Variants in SERGEF observed in about 807,000 individuals in gnomAD.
The protein encoded by SERGEF is secretion-regulating guanine nucleotide exchange factor.
A neutral mutation model predicts 50.0 loss-of-function variants in SERGEF; 51 were observed. That is an observed-to-expected ratio of 1.02 (90% CI 0.81 to 1.29). The LOEUF (loss-of-function observed/expected upper bound fraction) is 1.29, where lower values mean the gene tolerates loss of function less well. Ranked by LOEUF, SERGEF falls within the 50% of genes most tolerant of loss-of-function variation. The pLI, the probability that SERGEF is intolerant of heterozygous loss-of-function variation, is 0.00. For missense variants in SERGEF, 521 were observed against 557.0 expected, an observed-to-expected ratio of 0.94 and a Z score of 0.65; for synonymous variants, 205 against 212.4, an observed-to-expected ratio of 0.97 and a Z score of 0.30.
intron 10 of SERGEF, among the ~76,000 whole-genome samples, chr11:17,826,905 T>C (rs1486213158): frequency 6.5e-5 from 9 of 137,806 alleles, no homozygotes; most frequent in Non-Finnish European, 1.6e-5. Flanking sequence ...TTATCTTTAT[T>C]CTCCAGCAGG....
chr11:17,967,052 T>C (rs997194159), intron 8 of SERGEF, among the ~76,000 whole-genome samples: 1 of 152,232 alleles, frequency 6.6e-6, no homozygotes, highest in Non-Finnish European at 1.5e-5. Context: ...TGCTAATATT[T>C]TGAGGGCTAT....
chr11:17,926,670 C>T lies in SERGEF; in HGVS notation c.1011+32800G>A, dbSNP rs184950494. 7.5e-4 allele frequency: 333 copies of T among 445,028 alleles called. 3 individuals carry two copies. Among genetic ancestry groups the T allele is most frequent in the Middle Eastern group, 3.3e-4 (1 of 3,004 alleles). The allele number at this position is 445,028 out of a possible 1,614,324, so 27.6% of individuals were successfully genotyped here. ...TGCCAGAGGTTCAGCAAGTGTGACC[C>T]TGAATTGATTGTTTCCTCTATCTGA... On this transcript the variant is annotated intron_variant, in intron 9 of 10. Transcript: ENST00000265965.
chr11:17,799,188 AG>A (rs1272709267), intron 10 of SERGEF, among the ~76,000 whole-genome samples: 2 of 152,130 alleles, frequency 1.3e-5, no homozygotes, highest in Non-Finnish European at 2.9e-5. Flanking sequence ...TGGTACCCAG[AG>A]CTGGCTGAGG....
chr11:17,915,780 A>G (rs1852037897), intron 9 of SERGEF, among the ~76,000 whole-genome samples: 2 of 152,234 alleles, frequency 1.3e-5, no homozygotes, highest in Admixed American at 6.5e-5. Context: ...TGAATTTCCA[A>G]CTACAAATAA....
At chr11:18,009,214 T>C (rs1030959024) in intron 1 of SERGEF, among the ~76,000 whole-genome samples, 1 of 152,164 alleles carries the variant, frequency 6.6e-6, no homozygotes, top group African/African-American at 2.4e-5. Context: ...CCTGTTAGGC[T>C]CATTCTTAAC....
intron 5 of SERGEF, 35 bp from the exon 6 acceptor site, chr11:17,995,944 T>G: frequency 6.9e-7 from 1 of 1,453,924 alleles, no homozygotes; most frequent in Non-Finnish European, 9.6e-7. Flanking sequence ...GCAGAGAAGA[T>G]GCACATCAGG....
intron 5 of SERGEF, among the ~76,000 whole-genome samples, 200 bp from the exon 6 acceptor site, chr11:17,996,109 G>A (rs954781902): frequency 6.6e-6 from 1 of 152,156 alleles, no homozygotes; most frequent in South Asian, 2.1e-4. Context: ...CAGTCTTCAG[G>A]ACAGACTAAG....
In SERGEF at chr11:17,991,646, A is replaced by C. The variant is rs562354041; in HGVS notation, c.685+1285T>G. Among the ~76,000 whole-genome samples the C allele has an allele frequency of 1.2e-4, 18 of 152,372 alleles. No individual in the cohort carries two copies. The East Asian group carries it at 3.1e-3, about 26-fold the overall frequency. Reference sequence around the variant, plus strand: ...TATATAAATCTACCTAATGTGAGACACAAGTTAAAAGTAGGTGCTTTTTTA... The same window carrying C: ...TATATAAATCTACCTAATGTGAGACCCAAGTTAAAAGTAGGTGCTTTTTTA... On this transcript the variant is annotated intron_variant, in intron 7 of 10. Transcript: ENST00000265965. This position sits in a 1 kb window ranked among gnomAD's most constrained non-coding sequence, Gnocchi z 4.9.
intron 8 of SERGEF, among the ~76,000 whole-genome samples, chr11:17,966,855 T>C (rs1379426414): frequency 4.6e-5 from 7 of 152,316 alleles, no homozygotes; most frequent in African/African-American, 1.7e-4. Context: ...GGAGAATTTA[T>C]TTATTGAGAG....
chr11:17,849,220 T>C (rs1850670010), intron 10 of SERGEF, among the ~76,000 whole-genome samples: 2 of 152,232 alleles, frequency 1.3e-5, no homozygotes, highest in African/African-American at 4.8e-5. Context: ...CTAGCCAAGC[T>C]GAGCAAATCT....
chr11:17,820,470 A>G (rs1344315499), intron 10 of SERGEF, among the ~76,000 whole-genome samples: 4 of 152,236 alleles, frequency 2.6e-5, no homozygotes, highest in Admixed American at 2.0e-4. Flanking sequence ...TCAAAGTCGG[A>G]CAAAGCCAGG....
At chr11:17,933,429 T>A (rs1053402695) in intron 9 of SERGEF, among the ~76,000 whole-genome samples, 1 of 152,162 alleles carries the variant, frequency 6.6e-6, no homozygotes, top group South Asian at 2.1e-4. Context: ...GAGTTGGACT[T>A]CTATTGGAAA....
intron 10 of SERGEF, among the ~76,000 whole-genome samples, chr11:17,813,022 G>A (rs118147892): frequency 6.6e-6 from 1 of 152,198 alleles, no homozygotes; most frequent in Non-Finnish European, 1.5e-5. Flanking sequence ...ACTGTTCCAT[G>A]GACATCACCG....
chr11:17,914,414 T>TTTAAA (rs1455267323), intron 9 of SERGEF, among the ~76,000 whole-genome samples: 6 of 128,670 alleles, frequency 4.7e-5, no homozygotes, highest in Admixed American at 4.2e-4. Flanking sequence ...GTTTTTATTT[T>TTTAAA]TTTAATTTAT....
At chr11:17,862,561 T>C (rs1045293100) in intron 10 of SERGEF, among the ~76,000 whole-genome samples, 1 of 152,160 alleles carries the variant, frequency 6.6e-6, no homozygotes, top group African/African-American at 2.4e-5. Flanking sequence ...GGTGAATGAA[T>C]AGTCATAGCT....
At chr11:17,953,472 C>A (rs1852807962) in intron 9 of SERGEF, among the ~76,000 whole-genome samples, 1 of 152,214 alleles carries the variant, frequency 6.6e-6, no homozygotes, top group African/African-American at 2.4e-5. Flanking sequence ...CATATAGGCT[C>A]ACAGCCTATC....
At chr11:17,853,216 T>G (rs757145808) in intron 10 of SERGEF, among the ~76,000 whole-genome samples, 4 of 152,144 alleles carry the variant, frequency 2.6e-5, no homozygotes, top group Non-Finnish European at 4.4e-5. Context: ...ATACCATACA[T>G]GAACAGTGCT....
rs141811885 is a variant in SERGEF, at chr11:17,795,199, C to T, written c.1049-6786G>A. 5.8e-3 allele frequency among the ~76,000 whole-genome samples: 880 copies of T among 152,200 alleles called. 6 individuals are homozygous for T. The highest frequency in any genetic ancestry group is 0.02 in the African/African-American group (818 of 41,516). On this transcript the variant is annotated intron_variant, in intron 10 of 10. Transcript: ENST00000265965. ...CTGGTACATGTCAGGAAGGATGGGG[C>T]GGGCCTTGGAGCAGGGTAAGTTTGG...
At chr11:17,903,614 T>C (rs1851786545) in intron 9 of SERGEF, among the ~76,000 whole-genome samples, 1 of 152,236 alleles carries the variant, frequency 6.6e-6, no homozygotes, top group African/African-American at 2.4e-5. Flanking sequence ...TTGTAGAGGC[T>C]GCAACCAGGA....
Sources: gnomAD v4.1 joint callset for allele counts (sites outside exome capture counted in the v4.1 genomes callset) on GRCh38, gnomAD v4.1.1 for gene constraint, Gnocchi (gnomAD v3.1) non-coding constraint, MANE v1.5 for transcripts, NCBI Gene and HGNC (gene_info 2026-07-23, HGNC 2026-07-21) for gene names.